The following TNS1 variants were observed in gnomAD, a reference collection of about 807,000 sequenced individuals.
TNS1 encodes the protein tensin-1.
A neutral mutation model predicts 168.6 loss-of-function variants in TNS1; 62 were observed. The observed-to-expected ratio is 0.37, with a 90% CI of 0.30 to 0.45. The LOEUF is 0.45. Ranked by LOEUF, TNS1 falls within the 20% of genes least tolerant of loss-of-function variation. The pLI is 1.00. For missense variants in TNS1, 2,240 were observed against 2,339.4 expected, an observed-to-expected ratio of 0.96 and a Z score of 0.88; for synonymous variants, 934 against 933.2, an observed-to-expected ratio of 1.00 and a Z score of -0.02.
At chr2:217,835,772 G>A (rs1260854974) in intron 20 of TNS1, among the ~76,000 whole-genome samples, 3 of 152,232 alleles carry the variant, frequency 2.0e-5, no homozygotes, top group Non-Finnish European at 2.9e-5. Context: ...CCTTATTAAG[G>A]CACTCTCTCT....
intron 22 of TNS1, among the ~76,000 whole-genome samples, chr2:217,825,564 C>T (rs1943497430): frequency 6.6e-6 from 1 of 152,208 alleles, no homozygotes; most frequent in Non-Finnish European, 1.5e-5. Context: ...TTGCCCTACG[C>T]CCCACCCTTT....
chr2:217,869,726 GA>G (rs770787858), intron 18 of TNS1, among the ~76,000 whole-genome samples: 28 of 152,184 alleles, frequency 1.8e-4, no homozygotes, highest in Non-Finnish European at 1.0e-4. Context: ...TTGAAAAACT[GA>G]AAGCAAAACA....
At chr2:218,010,166 G>A (rs1958692900) in exon 1 of TNS1, 2 of 399,174 alleles carry the variant, frequency 5.0e-6, no homozygotes, top group Non-Finnish European at 4.4e-6. Context: ...ATCGGATCAC[G>A]CAGGAGAAGC....
At chr2:218,014,911 GGAAGGA>G (rs1958743339), upstream of TNS1, among the ~76,000 whole-genome samples, 1 of 86,454 alleles carries the variant, frequency 1.2e-5, no homozygotes, top group African/African-American at 3.8e-5. Flanking sequence ...AAGGAAGGAA[GGAAGGA>G]AGGAAGGCAG....
intron 19 of TNS1, among the ~76,000 whole-genome samples, chr2:217,845,826 T>C (rs1946570253): frequency 6.6e-6 from 1 of 152,190 alleles, no homozygotes; most frequent in Non-Finnish European, 1.5e-5. Flanking sequence ...GAGAGCTGCA[T>C]GGAAGGGTTC....
intron 3 of TNS1, among the ~76,000 whole-genome samples, chr2:217,939,912 G>T (rs1412740305): frequency 6.6e-6 from 1 of 152,248 alleles, no homozygotes; most frequent in Non-Finnish European, 1.5e-5. Flanking sequence ...ACCAACCTGG[G>T]TAGAGGCTGC....
At chr2:217,829,067 C>A (rs1400419760) in intron 22 of TNS1, among the ~76,000 whole-genome samples, 1 of 152,162 alleles carries the variant, frequency 6.6e-6, no homozygotes. Flanking sequence ...GTGCACAGGG[C>A]AGCACCCACA....
intron 3 of TNS1, among the ~76,000 whole-genome samples, chr2:217,973,715 C>G (rs1012018674): frequency 2.0e-5 from 3 of 152,188 alleles, no homozygotes; most frequent in Non-Finnish European, 4.4e-5. Context: ...CGTCATGGGG[C>G]CTGGATGTTG....
chr2:217,984,080 G>A (rs769773333), intron 2 of TNS1, among the ~76,000 whole-genome samples: 5 of 152,126 alleles, frequency 3.3e-5, no homozygotes, highest in Admixed American at 1.3e-4. Context: ...GCCAGCACAC[G>A]GCTCTGGACT....
rs1346548290 is a variant in TNS1 at position 217,804,260 on chromosome 2, CT to C, written c.*198del. On this transcript the variant is annotated 3_prime_UTR_variant, in exon 33 of 33. Coordinates refer to ENST00000682258, the MANE Select transcript of TNS1 (RefSeq NM_001387777.1). ...CCAAGTTCTTCTCCTCCATCTTTCT[CT>C]CTCTCTCTCTCTCTCTCTCTCTCTC... 90 of 384,472 alleles carry C rather than the reference CT, an allele frequency of 2.3e-4. No individual in the cohort carries two copies. Among genetic ancestry groups the C allele is most frequent in the African/African-American group, 2.0e-3 (82 of 40,178 alleles). The allele number at this position is 384,472 out of a possible 1,614,324, so 23.8% of individuals were successfully genotyped here. A position where few individuals can be genotyped will look rare whatever the true frequency, so the allele number is the denominator to read the frequency against.
intron 2 of TNS1, among the ~76,000 whole-genome samples, chr2:217,979,752 T>C (rs1170622397): frequency 2.0e-5 from 3 of 152,096 alleles, no homozygotes; most frequent in African/African-American, 7.2e-5. Flanking sequence ...TGGGTCTTGT[T>C]GGCTGCCCAG....
In TNS1 at chr2:217,801,434, C is replaced by G. The variant is rs1461851059; in HGVS notation, c.*3025G>C. 4 of 152,288 alleles carry G rather than the reference C, an allele frequency of 2.6e-5. No individual in the cohort carries two copies. Among genetic ancestry groups the G allele is most frequent in the Admixed American group, 2.6e-4 (4 of 15,282 alleles). 9.4% of individuals were successfully genotyped at this position (152,288 alleles called of 1,614,324 possible). On this transcript the variant is annotated 3_prime_UTR_variant, in exon 33 of 33. Coordinates refer to ENST00000682258, the MANE Select transcript of TNS1 (RefSeq NM_001387777.1). The stretch of plus-strand genomic sequence containing the variant: ...TGGTGGCAGCACGGGACTGAACCTG[C>G]TGGGGTCTGCGTCGCTGCGATGTCC...
chr2:217,876,276 C>A (rs1950192619), intron 18 of TNS1, among the ~76,000 whole-genome samples: 1 of 152,132 alleles, frequency 6.6e-6, no homozygotes, highest in South Asian at 2.1e-4. Context: ...GAATTTGGAG[C>A]CTGCTTTATA....
chr2:217,817,756 G>A lies in TNS1; in HGVS notation c.4576C>T (p.Pro1526Ser). 1 of 1,613,846 alleles carries A rather than the reference G, an allele frequency of 6.2e-7. No homozygotes were observed. The highest frequency in any genetic ancestry group is 2.2e-5 in the East Asian group (1 of 44,842). Residue 1526 changes from proline (P) to serine (S), a missense_variant, in exon 24 of 33, where the codon CCC becomes TCC. Coordinates refer to ENST00000682258, the MANE Select transcript of TNS1 (RefSeq NM_001387777.1). ...AAGGAGACGGTGCTGCCCCCACTGG[G>A]ACTGGACATGCCGCTGGCGACAGGC... ...SSPVASGMSS[P>S]SGGSTVSFSH...
At chr2:217,991,881 C>T (rs56825477) in intron 1 of TNS1, among the ~76,000 whole-genome samples, 8,656 of 152,036 alleles carry the variant, frequency 0.057, 790 homozygotes, top group African/African-American at 0.2. Flanking sequence ...CTATCCTTTT[C>T]TAAATGACAC....
intron 3 of TNS1, among the ~76,000 whole-genome samples, chr2:217,977,795 C>T (rs150932659): frequency 5.3e-4 from 81 of 152,336 alleles, no homozygotes; most frequent in Middle Eastern, 3.4e-3. Context: ...TCAATGAATG[C>T]TCCTTCTGGA....
chr2:217,853,881 TG>T (rs1419348638), intron 18 of TNS1, among the ~76,000 whole-genome samples: 1 of 152,178 alleles, frequency 6.6e-6, no homozygotes, highest in Non-Finnish European at 1.5e-5. Context: ...GCACTAGCCA[TG>T]CAGCTCAGGC....
At chr2:217,956,157 TG>T in intron 3 of TNS1, among the ~76,000 whole-genome samples, 1 of 152,162 alleles carries the variant, frequency 6.6e-6, no homozygotes, top group East Asian at 1.9e-4. Flanking sequence ...TTTGTTTGTT[TG>T]GCTTGGTTAA....
At position 217,880,052 on chromosome 2, in the gene TNS1, C is replaced by T. The variant is rs1950546450; in HGVS notation, c.1429+846G>A. On this transcript the variant is annotated intron_variant, in intron 18 of 32. Transcript: ENST00000682258. The surrounding 1 kb of genome is among the most constrained non-coding windows in gnomAD (Gnocchi z 4.2). ...TGGACCATCCTGAAGGTCCTCCCAG[C>T]TCCAACATTCTGCAGTCCTACGACC... 6.6e-6 allele frequency among the ~76,000 whole-genome samples: 1 copy of T among 152,222 alleles called. No homozygotes were observed. The highest frequency in any genetic ancestry group is 1.5e-5 in the Non-Finnish European group (1 of 68,046).
Sources: gnomAD v4.1 joint callset for allele counts (sites outside exome capture counted in the v4.1 genomes callset) on GRCh38, gnomAD v4.1.1 for gene constraint, Gnocchi (gnomAD v3.1) non-coding constraint, MANE v1.5 for transcripts, NCBI Gene and HGNC (gene_info 2026-07-23, HGNC 2026-07-21) for gene names.